Variants in AUTS2 observed in about 807,000 individuals in gnomAD.
AUTS2 encodes activator of transcription and developmental regulator AUTS2.
In AUTS2, 17 loss-of-function variants were observed where a neutral mutation model predicts 112.4. The observed-to-expected ratio is 0.15, with a 90% CI of 0.10 to 0.23. AUTS2 has a LOEUF of 0.23. AUTS2 is among the 10% of genes least tolerant of loss of function. The pLI is 1.00. For missense variants in AUTS2, 1,510 were observed against 1,701.6 expected (o/e 0.89, Z 1.98); for synonymous variants, 751 against 702.7 (o/e 1.07, Z -1.09).
At chr7:69,615,850 T>C (rs983973598) in intron 1 of AUTS2, among the ~76,000 whole-genome samples, 1 of 152,252 alleles carries the variant, frequency 6.6e-6, no homozygotes, top group Non-Finnish European at 1.5e-5. Context: ...TCCTGTAGCA[T>C]GCTGACAGCA....
chr7:69,782,025 A>G (rs887921706), intron 1 of AUTS2, among the ~76,000 whole-genome samples: 6 of 152,194 alleles, frequency 3.9e-5, no homozygotes, highest in African/African-American at 9.6e-5. Context: ...CCCGGATGCT[A>G]TCTCCTGGAT....
intron 4 of AUTS2, among the ~76,000 whole-genome samples, chr7:70,412,145 T>C (rs943713552): frequency 4.6e-5 from 7 of 152,080 alleles, no homozygotes; most frequent in African/African-American, 1.7e-4. Context: ...TCCACCTGCC[T>C]CGGCCTCCCA....
intron 5 of AUTS2, among the ~76,000 whole-genome samples, chr7:70,634,122 G>A (rs1018000404): frequency 1.3e-5 from 2 of 152,174 alleles, no homozygotes; most frequent in Non-Finnish European, 2.9e-5. Flanking sequence ...CTGCCCTTGT[G>A]GTGCTCACCT....
chr7:70,113,385 A>T (rs1275099743), intron 2 of AUTS2, among the ~76,000 whole-genome samples: 1 of 152,164 alleles, frequency 6.6e-6, no homozygotes, highest in East Asian at 1.9e-4. Flanking sequence ...CCAATCCATG[A>T]TACTTTCCCA....
chr7:70,790,206 C>G lies in AUTS2; in HGVS notation c.2990C>G (p.Pro997Arg), dbSNP rs374548780. The change falls in exon 19 of 19, where the codon CCG becomes CGG. Residue 997 changes from proline to arginine, a missense_variant. Coordinates refer to ENST00000342771, the MANE Select transcript of AUTS2 (RefSeq NM_015570.4). This position sits in a 1 kb window ranked among gnomAD's most constrained non-coding sequence, Gnocchi z 7.6. The part of the protein sequence containing the change: ...KEDHDLPPEA[P>R]QTHRASEPPP... ...GACCATGACCTGCCTCCAGAGGCCC[C>G]GCAGACCCACCGGGCCTCGGAGCCG... 4 of 1,612,538 alleles carry G rather than the reference C, an allele frequency of 2.5e-6. No individual in the cohort carries two copies. The highest frequency in any genetic ancestry group is 3.4e-6 in the Non-Finnish European group (4 of 1,179,730).
chr7:69,870,448 A>AATATATATATCTATATATATATATAT (rs1554395051), intron 1 of AUTS2, among the ~76,000 whole-genome samples: 1 of 78,964 alleles, frequency 1.3e-5, no homozygotes, highest in Non-Finnish European at 2.5e-5. Context: ...ATGTGTGTGT[A>AATATATATATCTATATATATATATAT]ATATATATAT....
chr7:70,633,121 T>C (rs1467139630), intron 5 of AUTS2, among the ~76,000 whole-genome samples: 1 of 152,150 alleles, frequency 6.6e-6, no homozygotes, highest in East Asian at 1.9e-4. Flanking sequence ...TCAGGGTCGC[T>C]TGGTGAAACA....
intron 4 of AUTS2, among the ~76,000 whole-genome samples, chr7:70,155,036 T>C (rs971385262): frequency 1.3e-5 from 2 of 152,172 alleles, no homozygotes; most frequent in African/African-American, 2.4e-5. Flanking sequence ...GCCAGCCTGG[T>C]TTTGTTCTTC....
intron 1 of AUTS2, among the ~76,000 whole-genome samples, chr7:69,666,853 G>A (rs1796071405): frequency 6.6e-6 from 1 of 152,154 alleles, no homozygotes; most frequent in African/African-American, 2.4e-5. Flanking sequence ...AGTGAGTCAT[G>A]ATCATGCCCC....
intron 2 of AUTS2, among the ~76,000 whole-genome samples, chr7:70,001,088 T>A (rs950061588): frequency 1.3e-5 from 2 of 152,088 alleles, no homozygotes; most frequent in Non-Finnish European, 1.5e-5. Context: ...CCTAAAAATA[T>A]CAGAGAAAAA....
At chr7:70,122,530 C>T (rs908769144) in intron 3 of AUTS2, among the ~76,000 whole-genome samples, 22 of 152,064 alleles carry the variant, frequency 1.4e-4, no homozygotes, top group Non-Finnish European at 1.8e-4. Flanking sequence ...CTTTGTATGC[C>T]TGGCAGTTTT....
chr7:70,760,007 GA>G (rs1380765936), intron 6 of AUTS2, among the ~76,000 whole-genome samples: 9 of 151,660 alleles, frequency 5.9e-5, no homozygotes, highest in Non-Finnish European at 1.3e-4. Flanking sequence ...AATACAAAAA[GA>G]TTTTTTTTTT....
intron 1 of AUTS2, among the ~76,000 whole-genome samples, chr7:69,781,159 A>G (rs528773290): frequency 1.3e-5 from 2 of 152,338 alleles, no homozygotes; most frequent in African/African-American, 2.4e-5. Flanking sequence ...TAGTCCTACA[A>G]TGAAAATGCA....
At chr7:69,823,518 TGGTAG>T (rs1791096029) in intron 1 of AUTS2, among the ~76,000 whole-genome samples, 1 of 152,214 alleles carries the variant, frequency 6.6e-6, no homozygotes, top group Non-Finnish European at 1.5e-5. Flanking sequence ...TTGGACACAT[TGGTAG>T]ATCACCCCTG....
chr7:69,678,110 A>T (rs1271348656), intron 1 of AUTS2, among the ~76,000 whole-genome samples: 1 of 152,132 alleles, frequency 6.6e-6, no homozygotes, highest in Admixed American at 6.6e-5. Context: ...TTAAGTTCTC[A>T]GGCTGACCTA....
At position 69,930,478 on chromosome 7, in the gene AUTS2, A is replaced by G. The variant is rs181081589; in HGVS notation, c.522+30980A>G. 8.5e-5 allele frequency among the ~76,000 whole-genome samples: 13 copies of G among 152,288 alleles called. No homozygotes were observed. The East Asian group carries it at 1.9e-3, about 23-fold the overall frequency. On this transcript the variant is annotated intron_variant, in intron 2 of 18. Transcript: ENST00000342771. ...CTCCAGACAATAAGGTGGGTCAGTT[A>G]TAGGGCTCTCATTTGTTTCCTGCAT...
intron 12 of AUTS2, chr7:70,774,988 C>G (rs893692111): frequency 4.1e-6 from 1 of 243,500 alleles, no homozygotes; most frequent in South Asian, 1.2e-4. Context: ...AGTTAGTAGA[C>G]AGCTTTAAAA....
intron 2 of AUTS2, among the ~76,000 whole-genome samples, chr7:69,966,501 C>T (rs1338697676): frequency 6.6e-6 from 1 of 152,214 alleles, no homozygotes; most frequent in Non-Finnish European, 1.5e-5. Flanking sequence ...ATTGCTGTCT[C>T]TCTCTTTACA....
At chr7:70,185,997 G>A (rs1014517862) in intron 4 of AUTS2, among the ~76,000 whole-genome samples, 1 of 152,162 alleles carries the variant, frequency 6.6e-6, no homozygotes, top group African/African-American at 2.4e-5. Flanking sequence ...AAGAAATATG[G>A]TCCATTTTGA....
Sources: gnomAD v4.1 joint callset for allele counts (sites outside exome capture counted in the v4.1 genomes callset) on GRCh38, gnomAD v4.1.1 for gene constraint, Gnocchi (gnomAD v3.1) non-coding constraint, MANE v1.5 for transcripts, NCBI Gene and HGNC (gene_info 2026-07-23, HGNC 2026-07-21) for gene names.